The following XKR6 variants were observed in gnomAD, a reference collection of about 807,000 sequenced individuals.
XKR6 encodes XK-related protein 6.
Under a neutral mutation model 56.7 loss-of-function variants are expected in XKR6, and 22 were observed. The ratio of observed to expected loss-of-function variants is 0.39; its 90% CI spans 0.28 to 0.55. The LOEUF is 0.55. Among genes scored for constraint, XKR6 ranks in the 20% least tolerant of loss-of-function variants. The pLI, the probability that XKR6 is intolerant of heterozygous loss-of-function variation, is 0.66. For missense variants in XKR6, 852 were observed against 889.0 expected (o/e 0.96, Z 0.53); for synonymous variants, 524 against 387.8 (o/e 1.35, Z -4.13).
intron 1 of XKR6, among the ~76,000 whole-genome samples, chr8:10,998,054 C>T (rs1354229127): frequency 6.6e-6 from 1 of 152,116 alleles, no homozygotes; most frequent in Non-Finnish European, 1.5e-5. Flanking sequence ...GACACCTATG[C>T]GTGCAGCAGG....
chr8:10,971,206 G>C (rs1026226973), intron 1 of XKR6, among the ~76,000 whole-genome samples: 1 of 151,846 alleles, frequency 6.6e-6, no homozygotes, highest in African/African-American at 2.4e-5. Context: ...CGGATCACGA[G>C]GTCAGGAGAT....
At chr8:11,034,432 T>C (rs188504185) in intron 1 of XKR6, among the ~76,000 whole-genome samples, 181 of 152,220 alleles carry the variant, frequency 1.2e-3, no homozygotes, top group African/African-American at 4.2e-3. Flanking sequence ...AGAAGCTGCA[T>C]GTGTCTAGAG....
At chr8:11,195,430 C>G (rs1413185434) in intron 1 of XKR6, among the ~76,000 whole-genome samples, 1 of 152,138 alleles carries the variant, frequency 6.6e-6, no homozygotes, top group Non-Finnish European at 1.5e-5. Flanking sequence ...TAAATTCTCA[C>G]TAACATATCA....
At chr8:11,198,214 T>C (rs1034864707) in intron 1 of XKR6, among the ~76,000 whole-genome samples, 5 of 152,266 alleles carry the variant, frequency 3.3e-5, no homozygotes, top group African/African-American at 1.2e-4. Context: ...ATATGAATGA[T>C]TTCAACGCAA....
intron 1 of XKR6, among the ~76,000 whole-genome samples, chr8:11,157,485 GGTATGTATGTATGTATGTAT>G (rs112971008): frequency 1.3e-5 from 2 of 148,908 alleles, no homozygotes; most frequent in South Asian, 2.2e-4. Flanking sequence ...TAAAATAAAA[GGTATGTATGTATGTATGTAT>G]GTATGTATGT....
chr8:11,077,846 G>T (rs189932194), intron 1 of XKR6, among the ~76,000 whole-genome samples: 52 of 152,316 alleles, frequency 3.4e-4, no homozygotes, highest in African/African-American at 1.2e-3. Flanking sequence ...ACAAGAGGGG[G>T]ACCCTGGCAT....
intron 1 of XKR6, among the ~76,000 whole-genome samples, chr8:10,940,351 C>T (rs1359827574): frequency 6.6e-6 from 1 of 152,194 alleles, no homozygotes; most frequent in Non-Finnish European, 1.5e-5. Flanking sequence ...GCCTTCAGGG[C>T]TCCAGGTTCA....
At position 11,027,178 on chromosome 8, in the gene XKR6, G is replaced by T. The variant is rs571139687; in HGVS notation, c.765-102348C>A. Among the ~76,000 whole-genome samples the T allele has an allele frequency of 5.9e-5, 9 of 152,324 alleles. No homozygotes were observed. In the East Asian group the frequency reaches 1.5e-3, roughly 26 times the overall value. On this transcript the variant is annotated intron_variant, in intron 1 of 2. Transcript: ENST00000416569. ...TACAGTAGGCAGTTGTAACACAGTG[G>T]TAAGTATTTGTGAATCTAAACATAT... is the stretch of plus-strand genomic sequence containing the variant.
chr8:11,200,460 G>C lies in XKR6; in HGVS notation c.764+116C>G. On this transcript the variant is annotated intron_variant, in intron 1 of 2. Coordinates refer to ENST00000416569, the MANE Select transcript of XKR6 (RefSeq NM_173683.4). This position sits in a 1 kb window ranked among gnomAD's most constrained non-coding sequence, Gnocchi z 6.4. ...AGACGCCAGGGGCGGCGCGCGGCCG[G>C]TCCCTCCTTCGAGCCCCCCGCGCTG... The C allele has an allele frequency of 1.6e-6, 2 of 1,262,906 alleles. No individual in the cohort carries two copies. Among genetic ancestry groups the C allele is most frequent in the Non-Finnish European group, 2.0e-6 (2 of 988,120 alleles). The allele number at this position is 1,262,906 out of a possible 1,614,324, so 78.2% of individuals were successfully genotyped here.
intron 1 of XKR6, among the ~76,000 whole-genome samples, chr8:10,976,465 C>A (rs1478526235): frequency 3.3e-5 from 5 of 152,142 alleles, no homozygotes; most frequent in Admixed American, 3.3e-4. Flanking sequence ...GACCTGAGAA[C>A]CAGATACGCC....
chr8:11,050,611 TC>T (rs1799523243), intron 1 of XKR6, among the ~76,000 whole-genome samples: 3 of 149,928 alleles, frequency 2.0e-5, no homozygotes, highest in Admixed American at 2.0e-4. Flanking sequence ...TGACTTGATA[TC>T]CCAGAAAAGC....
intron 1 of XKR6, among the ~76,000 whole-genome samples, chr8:10,968,847 G>A (rs1349683159): frequency 6.6e-6 from 1 of 152,238 alleles, no homozygotes; most frequent in Non-Finnish European, 1.5e-5. Context: ...TCTGGGACTG[G>A]GGAGCCACCT....
intron 1 of XKR6, chr8:11,035,343 T>C (rs1210088118): frequency 7.5e-6 from 4 of 534,500 alleles, no homozygotes; most frequent in Non-Finnish European, 1.5e-5. Flanking sequence ...CCACTGGCCA[T>C]GCAGGAGCCA....
At chr8:10,925,658 T>C (rs1800858694) in intron 1 of XKR6, among the ~76,000 whole-genome samples, 1 of 152,180 alleles carries the variant, frequency 6.6e-6, no homozygotes, top group Non-Finnish European at 1.5e-5. Flanking sequence ...ACTTGCTAAG[T>C]GGGGGATCTT....
At chr8:11,164,922 C>T (rs1801993981) in intron 1 of XKR6, among the ~76,000 whole-genome samples, 1 of 152,076 alleles carries the variant, frequency 6.6e-6, no homozygotes, top group Non-Finnish European at 1.5e-5. Flanking sequence ...ATCCCACCTG[C>T]CTACCTTCCC....
intron 1 of XKR6, among the ~76,000 whole-genome samples, chr8:11,158,415 C>T (rs977361024): frequency 6.6e-6 from 1 of 152,200 alleles, no homozygotes; most frequent in Non-Finnish European, 1.5e-5. Context: ...TTCAGGATGG[C>T]TACAGCTGAA....
chr8:11,019,208 G>A (rs1043383426), intron 1 of XKR6, among the ~76,000 whole-genome samples: 13 of 152,342 alleles, frequency 8.5e-5, no homozygotes, highest in Admixed American at 6.5e-4. Flanking sequence ...AGAGGGTCTA[G>A]CATGGGGCCA....
intron 1 of XKR6, among the ~76,000 whole-genome samples, chr8:11,039,744 G>T (rs1288476085): frequency 6.6e-6 from 1 of 152,204 alleles, no homozygotes; most frequent in Non-Finnish European, 1.5e-5. Context: ...AGACCGTAGG[G>T]CCTTGAATAT....
At chr8:11,170,899 T>A (rs1344164618) in intron 1 of XKR6, among the ~76,000 whole-genome samples, 1 of 152,214 alleles carries the variant, frequency 6.6e-6, no homozygotes, top group Non-Finnish European at 1.5e-5. Flanking sequence ...ACAGAGGAAC[T>A]AGGTAACTAG....
Sources: gnomAD v4.1 joint callset for allele counts (sites outside exome capture counted in the v4.1 genomes callset) on GRCh38, gnomAD v4.1.1 for gene constraint, Gnocchi (gnomAD v3.1) non-coding constraint, MANE v1.5 for transcripts, NCBI Gene and HGNC (gene_info 2026-07-23, HGNC 2026-07-21) for gene names.